Variants in PRUNE2 observed in about 807,000 individuals in gnomAD.
PRUNE2 encodes the protein prune homolog 2 with BCH domain.
Under a neutral mutation model 252.0 loss-of-function variants are expected in PRUNE2, and 164 were observed. The observed-to-expected ratio is 0.65, with a 90% CI of 0.57 to 0.74. PRUNE2 has a LOEUF of 0.74. Ranked by LOEUF, PRUNE2 falls within the 30% of genes least tolerant of loss-of-function variation. The probability of loss-of-function intolerance (pLI) is 0.00; values close to 1 mark genes in which losing one functional copy is unlikely to be tolerated. For synonymous variants in PRUNE2, 1,292 were observed against 1,350.2 expected, an observed-to-expected ratio of 0.96 and a Z score of 0.94; for missense variants, 3,495 against 3,711.0, an observed-to-expected ratio of 0.94 and a Z score of 1.51.
intron 1 of PRUNE2, among the ~76,000 whole-genome samples, chr9:76,863,931 C>T (rs937893539): frequency 1.3e-5 from 2 of 152,106 alleles, no homozygotes; most frequent in African/African-American, 4.8e-5. Flanking sequence ...ACCAACAATC[C>T]CATTACTAGA....
chr9:76,639,611 C>T (rs573889394), intron 12 of PRUNE2, among the ~76,000 whole-genome samples: 2 of 152,278 alleles, frequency 1.3e-5, no homozygotes, highest in Non-Finnish European at 2.9e-5. Flanking sequence ...GGCTAAGGTT[C>T]TGAATTCTAT....
intron 6 of PRUNE2, among the ~76,000 whole-genome samples, chr9:76,719,651 TC>T (rs2047454294): frequency 6.6e-6 from 1 of 151,088 alleles, no homozygotes; most frequent in Non-Finnish European, 1.5e-5. Context: ...AAATATATGT[TC>T]CTTTTTTTTT....
At chr9:76,818,100 G>A (rs2057803407) in intron 6 of PRUNE2, among the ~76,000 whole-genome samples, 1 of 152,142 alleles carries the variant, frequency 6.6e-6, no homozygotes, top group Admixed American at 6.5e-5. Flanking sequence ...CACATATTTT[G>A]AAAAGGTGAA....
chr9:76,624,750 G>A (rs1316564889), intron 16 of PRUNE2, among the ~76,000 whole-genome samples: 1 of 152,226 alleles, frequency 6.6e-6, no homozygotes, highest in Non-Finnish European at 1.5e-5. Flanking sequence ...CATGCTGGCT[G>A]AATAAAGCTG....
chr9:76,773,620 T>G (rs1277502706), intron 6 of PRUNE2, among the ~76,000 whole-genome samples: 1 of 152,096 alleles, frequency 6.6e-6, no homozygotes, highest in African/African-American at 2.4e-5. Flanking sequence ...ATTTTTGTAC[T>G]TTTAGTACAG....
intron 9 of PRUNE2, among the ~76,000 whole-genome samples, chr9:76,690,709 T>C (rs2044622482): frequency 6.6e-6 from 1 of 152,232 alleles, no homozygotes; most frequent in Non-Finnish European, 1.5e-5. Context: ...CAAGTATCTA[T>C]GAGGCATTAA....
intron 2 of PRUNE2, among the ~76,000 whole-genome samples, chr9:76,852,376 G>A (rs7020629): frequency 0.1 from 15,428 of 152,238 alleles, 1,190 homozygotes; most frequent in African/African-American, 0.22. Flanking sequence ...ATGTGGCCTG[G>A]GCCTCTCCTG....
chr9:76,882,468 G>A (rs1720555272), intron 1 of PRUNE2, among the ~76,000 whole-genome samples: 1 of 152,172 alleles, frequency 6.6e-6, no homozygotes, highest in African/African-American at 2.4e-5. Context: ...AGTTTAATTG[G>A]CTCACATTTC....
At chr9:76,823,247 CTTTTTTCT>C (rs1369713040) in intron 6 of PRUNE2, 4 of 151,056 alleles carry the variant, frequency 2.6e-5, no homozygotes, top group Admixed American at 6.9e-5. Context: ...GCTTTTTTTT[CTTTTTTCT>C]TTTTTTTTTT....
chr9:76,879,900 TATA>T lies in PRUNE2; in HGVS notation c.37-25695_37-25693del, dbSNP rs201773193. Among the ~76,000 whole-genome samples, 424 of 77,324 alleles carry T rather than the reference TATA, an allele frequency of 5.5e-3. 15 individuals carry two copies. Among genetic ancestry groups the T allele is most frequent in the African/African-American group, 0.026 (379 of 14,806 alleles). 50.7% of individuals were successfully genotyped at this position (77,324 alleles called of 152,430 possible). ...TGTCATATATATATATATATATATA[TATA>T]TTTTTTTTTTTTTTTTTTTTTTTTT... On this transcript the variant is annotated intron_variant, in intron 1 of 18. Coordinates refer to ENST00000376718, the MANE Select transcript of PRUNE2 (RefSeq NM_015225.3).
intron 6 of PRUNE2, among the ~76,000 whole-genome samples, chr9:76,796,984 C>T (rs1380570474): frequency 6.6e-6 from 1 of 152,094 alleles, no homozygotes; most frequent in Non-Finnish European, 1.5e-5. Context: ...AGAACCCTGA[C>T]CAATACACCC....
intron 1 of PRUNE2, among the ~76,000 whole-genome samples, chr9:76,900,361 G>A (rs1288687129): frequency 6.6e-6 from 1 of 152,178 alleles, no homozygotes; most frequent in African/African-American, 2.4e-5. Context: ...TGATTTTCCA[G>A]GGTGATCTAG....
chr9:76,830,042 A>G (rs903578008), intron 4 of PRUNE2, among the ~76,000 whole-genome samples: 5 of 152,368 alleles, frequency 3.3e-5, no homozygotes, highest in African/African-American at 1.2e-4. Context: ...AAATAATCAA[A>G]TGAAATTTTA....
At chr9:76,871,931 G>GT (rs2061223678) in intron 1 of PRUNE2, among the ~76,000 whole-genome samples, 1 of 138,014 alleles carries the variant, frequency 7.2e-6, no homozygotes, top group Admixed American at 6.7e-5. Context: ...GTCCAGCCTA[G>GT]TTACGACAAT....
At chr9:76,900,409 C>T (rs1471480427) in intron 1 of PRUNE2, among the ~76,000 whole-genome samples, 1 of 152,182 alleles carries the variant, frequency 6.6e-6, no homozygotes, top group Non-Finnish European at 1.5e-5. Flanking sequence ...AGAAGAAAGA[C>T]TTCCTTTCCC....
At chr9:76,677,035 A>T (rs1170296791) in intron 9 of PRUNE2, among the ~76,000 whole-genome samples, 2 of 152,352 alleles carry the variant, frequency 1.3e-5, no homozygotes, top group Middle Eastern at 3.4e-3. Flanking sequence ...TAAATAAGAC[A>T]CACCTGCTTC....
At chr9:76,827,336 T>C (rs571678564) in intron 4 of PRUNE2, among the ~76,000 whole-genome samples, 1 of 152,244 alleles carries the variant, frequency 6.6e-6, no homozygotes, top group East Asian at 1.9e-4. Context: ...ACAAGCTGGG[T>C]CTAAATCACA....
intron 18 of PRUNE2, 51 bp downstream of exon 18, chr9:76,619,289 C>T: frequency 8.2e-7 from 1 of 1,220,156 alleles, no homozygotes; most frequent in Non-Finnish European, 1.2e-6. Context: ...AGAGCCCAGC[C>T]ATACAACACT....
In PRUNE2 at chr9:76,826,730, T is replaced by C; in HGVS notation, c.511A>G (p.Ser171Gly). 6.2e-7 allele frequency: 1 copy of C among 1,603,008 alleles called. No homozygotes were observed. The highest frequency in any genetic ancestry group is 8.5e-7 in the Non-Finnish European group (1 of 1,173,534). The part of the protein sequence containing the change: ...TEQLAHRLRG[S>G]ILFKWMTMES... ...ATGGTCATCCACTTGAAAAGAATGC[T>C]ACCTGAAAGGTATGAATAAAAATGC... Residue 171 changes from serine to glycine, a missense_variant and splice_region_variant, in exon 5 of 19, where the codon AGC becomes GGC. Physicochemically the swap from Ser to Gly is moderately conservative, Grantham distance 56. Transcript: ENST00000376718.
Sources: allele counts gnomAD v4.1 joint callset (sites outside exome capture counted in the v4.1 genomes callset), GRCh38; gene constraint gnomAD v4.1.1; transcripts MANE v1.5; gene names NCBI Gene and HGNC (gene_info 2026-07-23, HGNC 2026-07-21).